The following CEP97 variants were observed in gnomAD, a reference collection of about 807,000 sequenced individuals.
CEP97 encodes centrosomal protein 97.
A neutral mutation model predicts 73.1 loss-of-function variants in CEP97; 43 were observed. The ratio of observed to expected loss-of-function variants is 0.59; its 90% confidence interval spans 0.46 to 0.76. The LOEUF (loss-of-function observed/expected upper bound fraction) is 0.76, where lower values mean the gene tolerates loss of function less well. CEP97 is among the 30% of genes least tolerant of loss of function. The pLI is 0.00. For synonymous variants in CEP97, 337 were observed against 370.0 expected (o/e 0.91, Z 1.02); for missense variants, 939 against 1,014.0 (o/e 0.93, Z 1.00).
intron 6 of CEP97, among the ~76,000 whole-genome samples, chr3:101,740,040 A>G (rs1184193685): frequency 1.3e-5 from 2 of 152,220 alleles, no homozygotes; most frequent in African/African-American, 4.8e-5. Context: ...CAAAAGCTGG[A>G]AGCATTCCCT....
At chr3:101,760,919 A>G (rs1180375527) in intron 9 of CEP97, among the ~76,000 whole-genome samples, 1 of 151,690 alleles carries the variant, frequency 6.6e-6, no homozygotes, top group East Asian at 1.9e-4. Flanking sequence ...CTGGAGTGCA[A>G]TGGTGCGATC....
In CEP97 at chr3:101,744,213, T is replaced by C. The variant is rs529977898; in HGVS notation, c.729-11217T>C. Among the ~76,000 whole-genome samples, 7 of 152,088 alleles carry C rather than the reference T, an allele frequency of 4.6e-5. No individual in the cohort carries two copies. In the East Asian group the frequency reaches 1.4e-3, roughly 29 times the overall value. ...AGCTACTTAGGTCTCCCAAAAGACA[T>C]GTACATGCATTTTCACAGCAGCCCT... On this transcript the variant is annotated intron_variant, in intron 6 of 10. Transcript: ENST00000341893.
In CEP97 at chr3:101,726,595, A is replaced by G. The variant is rs1310274296; in HGVS notation, c.45A>G (p.Gly15=). 6.3e-7 allele frequency: 1 copy of G among 1,580,738 alleles called. No individual in the cohort carries two copies. Among genetic ancestry groups the G allele is most frequent in the Non-Finnish European group, 8.6e-7 (1 of 1,168,408 alleles). The change falls in exon 2 of 11, where the codon GGA becomes GGG. Residue 15 remains glycine (G), a splice_region_variant and synonymous_variant. Coordinates refer to ENST00000341893, the MANE Select transcript of CEP97 (RefSeq NM_024548.4). The stretch of plus-strand genomic sequence containing the variant: ...CTAACATTTCCGTTTCTTTTCAAGG[A>G]TCAGTGGTCAATTGGTCAGGACAGG... ...RVDAALPPGE[G]SVVNWSGQGL... is the part of the protein sequence containing the mutation.
chr3:101,735,043 G>A (rs967037029), intron 6 of CEP97, among the ~76,000 whole-genome samples: 1 of 152,170 alleles, frequency 6.6e-6, no homozygotes, highest in South Asian at 2.1e-4. Context: ...TGGATGGTAG[G>A]ATTAAGGATG....
chr3:101,755,459 G>A lies in CEP97; in HGVS notation c.758G>A (p.Gly253Asp). The A allele has an allele frequency of 1.2e-6, 2 of 1,614,094 alleles. No individual in the cohort carries two copies. Among genetic ancestry groups the A allele is most frequent in the Non-Finnish European group, 1.7e-6 (2 of 1,180,024 alleles). Residue 253 changes from glycine to aspartate, a missense_variant, in exon 7 of 11, where the codon GGC (glycine) becomes GAC (aspartate). By Grantham distance (94) the Gly-to-Asp change is moderately conservative. Coordinates refer to ENST00000341893, the MANE Select transcript of CEP97 (RefSeq NM_024548.4). ...AAAGCTGAATGGCTCTATAGTCAAG[G>A]CAAGGGGAGAGCATATCGGCCTGGC... The part of the protein sequence containing the change: ...SLKAEWLYSQ[G>D]KGRAYRPGQH...
Position 101,768,235 on chromosome 3 carries a change from TG to T in CEP97, c.*2685del, listed in dbSNP as rs770591273. On this transcript the variant is annotated 3_prime_UTR_variant, in exon 11 of 11. Coordinates refer to ENST00000341893, the MANE Select transcript of CEP97 (RefSeq NM_024548.4). ...TCAAAGATGAAACTAAAGCACAGCA[TG>T]TTAAATGACTTGTCTAAGTTATAGC... is the stretch of plus-strand genomic sequence containing the variant. The T allele has an allele frequency of 9.9e-5, 15 of 152,246 alleles. No homozygotes were observed. Among genetic ancestry groups the T allele is most frequent in the Non-Finnish European group, 1.2e-4 (8 of 68,038 alleles). 9.4% of individuals were successfully genotyped at this position (152,246 alleles called of 1,614,324 possible).
intron 6 of CEP97, among the ~76,000 whole-genome samples, chr3:101,753,783 C>T (rs1356984843): frequency 6.6e-6 from 1 of 152,182 alleles, no homozygotes; most frequent in African/African-American, 2.4e-5. Context: ...TGGGAGTGAC[C>T]CGATTTTCCA....
At chr3:101,731,814 T>C (rs1396843513) in intron 4 of CEP97, 26 bp from the exon 5 acceptor site, 4 of 1,280,420 alleles carry the variant, frequency 3.1e-6, no homozygotes, top group Non-Finnish European at 2.3e-6. Flanking sequence ...TTTTCATTTG[T>C]AATTCATACT....
In CEP97 at chr3:101,726,606, A is replaced by G; in HGVS notation, c.56A>G (p.Asn19Ser). Residue 19 changes from asparagine (N) to serine (S), a missense_variant, in exon 2 of 11, where the codon AAT (asparagine) becomes AGT (serine). Transcript: ENST00000341893. ...ALPPGEGSVV[N>S]WSGQGLQKLG... ...GTTTCTTTTCAAGGATCAGTGGTCAATTGGTCAGGACAGGGACTACAGAAA... is the reference window on the plus strand; with the variant it reads ...GTTTCTTTTCAAGGATCAGTGGTCAGTTGGTCAGGACAGGGACTACAGAAA... 6.3e-7 allele frequency: 1 copy of G among 1,587,124 alleles called. No individual in the cohort carries two copies. The highest frequency in any genetic ancestry group is 1.2e-5 in the South Asian group (1 of 85,584).
chr3:101,740,956 G>C (rs1938433850), intron 6 of CEP97, among the ~76,000 whole-genome samples: 1 of 152,150 alleles, frequency 6.6e-6, no homozygotes, highest in South Asian at 2.1e-4. Flanking sequence ...GAAAGAGCCT[G>C]TATAGCCAAG....
chr3:101,737,861 G>A (rs1938327672), intron 6 of CEP97, among the ~76,000 whole-genome samples: 2 of 151,978 alleles, frequency 1.3e-5, no homozygotes, highest in Admixed American at 1.3e-4. Flanking sequence ...AAATGTAAAT[G>A]GGCTATTAGC....
chr3:101,741,464 A>G (rs1938448315), intron 6 of CEP97, among the ~76,000 whole-genome samples: 1 of 152,254 alleles, frequency 6.6e-6, no homozygotes, highest in South Asian at 2.1e-4. Context: ...AGAAACTATC[A>G]TCAAAGTGAA....
chr3:101,754,689 C>G (rs1431779045), intron 6 of CEP97, among the ~76,000 whole-genome samples: 2 of 152,112 alleles, frequency 1.3e-5, no homozygotes, highest in African/African-American at 4.8e-5. Flanking sequence ...TGTCTTTGTT[C>G]TATTTTCTTT....
At position 101,765,728 on chromosome 3, in the gene CEP97, A is replaced by G; in HGVS notation, c.*177A>G. The G allele has an allele frequency of 5.2e-6, 3 of 582,342 alleles. No homozygotes were observed. The highest frequency in any genetic ancestry group is 3.5e-5 in the Admixed American group (1 of 28,636). 36.1% of individuals were successfully genotyped at this position (582,342 alleles called of 1,614,324 possible). On this transcript the variant is annotated 3_prime_UTR_variant, in exon 11 of 11. Coordinates refer to ENST00000341893, the MANE Select transcript of CEP97 (RefSeq NM_024548.4). Reference sequence around the variant, plus strand: ...GATATTGAGCTGAGTTTTCATTTTGATTTTGTTAGCTTTTTACTTAGCTGT... The same window carrying G: ...GATATTGAGCTGAGTTTTCATTTTGGTTTTGTTAGCTTTTTACTTAGCTGT...
In CEP97 at chr3:101,758,132, A is replaced by T; in HGVS notation, c.1526A>T (p.Glu509Val). 6.2e-7 allele frequency: 1 copy of T among 1,614,208 alleles called. No homozygotes were observed. The highest frequency in any genetic ancestry group is 8.5e-7 in the Non-Finnish European group (1 of 1,180,040). ...CTTACATTTTTTCCTGAGTCAACTG[A>T]GCAGAAACAATCAGACATAAAGAAA... ...HSLTFFPEST[E>V]QKQSDIKKPE... The change falls in exon 9 of 11, where the codon GAG (glutamate) becomes GTG (valine). Residue 509 changes from glutamate (E) to valine (V), a missense_variant. Coordinates refer to ENST00000341893, the MANE Select transcript of CEP97 (RefSeq NM_024548.4).
At position 101,769,341 on chromosome 3, in the gene CEP97, T is replaced by TG. The variant is rs1417902926; in HGVS notation, c.*3790_*3791insG. 1.3e-5 allele frequency: 2 copies of TG among 151,894 alleles called. No homozygotes were observed. The highest frequency in any genetic ancestry group is 2.4e-5 in the African/African-American group (1 of 41,350). 9.4% of individuals were successfully genotyped at this position (151,894 alleles called of 1,614,324 possible). Reference sequence around the variant, plus strand: ...ATTGTGTGTGTGTTTTTTTTTTTTTTTTCGAGATAGAGTTTCACTGTTGTC... The same window carrying TG: ...ATTGTGTGTGTGTTTTTTTTTTTTTTGTTCGAGATAGAGTTTCACTGTTGTC... On this transcript the variant is annotated 3_prime_UTR_variant, in exon 11 of 11. Transcript: ENST00000341893.
At chr3:101,725,884 T>G (rs1407439878) in intron 1 of CEP97, among the ~76,000 whole-genome samples, 3 of 151,836 alleles carry the variant, frequency 2.0e-5, no homozygotes, top group African/African-American at 7.3e-5. Flanking sequence ...TTTGTTTTTT[T>G]TTTTACATTA....
chr3:101,757,600 A>C, intron 8 of CEP97, 34 bp from the exon 9 acceptor site: 1 of 1,559,852 alleles, frequency 6.4e-7, no homozygotes, highest in Non-Finnish European at 8.7e-7. Flanking sequence ...GTAAACATTT[A>C]GTGGTTTAAA....
At chr3:101,750,658 G>A (rs1442643084) in intron 6 of CEP97, among the ~76,000 whole-genome samples, 1 of 152,146 alleles carries the variant, frequency 6.6e-6, no homozygotes, top group African/African-American at 2.4e-5. Context: ...TATGTGTCGA[G>A]GAATTTATCC....
Sources: gnomAD v4.1 joint callset for allele counts (sites outside exome capture counted in the v4.1 genomes callset) on GRCh38, gnomAD v4.1.1 for gene constraint, MANE v1.5 for transcripts, NCBI Gene and HGNC (gene_info 2026-07-23, HGNC 2026-07-21) for gene names.